The following MAP3K13 variants were observed in gnomAD, a reference collection of about 807,000 sequenced individuals.
MAP3K13 encodes the protein leucine zipper-bearing kinase.
MAP3K13 carries 52 observed loss-of-function variants against 104.0 expected under a neutral mutation model. The observed-to-expected ratio is 0.50, with a 90% CI of 0.40 to 0.63. The LOEUF is 0.63. Among genes scored for constraint, MAP3K13 ranks in the 20% least tolerant of loss-of-function variants. MAP3K13 has a pLI of 0.00. For missense variants in MAP3K13, 914 were observed against 1,218.5 expected, an observed-to-expected ratio of 0.75 and a Z score of 3.72; for synonymous variants, 394 against 442.2, an observed-to-expected ratio of 0.89 and a Z score of 1.37.
chr3:185,454,353 G>A (rs1167426003), intron 7 of MAP3K13, among the ~76,000 whole-genome samples: 2 of 46,276 alleles, frequency 4.3e-5, no homozygotes, highest in African/African-American at 1.1e-4. Context: ...TGAGATATAT[G>A]AGATATATAT....
rs1417963995 is a variant in MAP3K13 at position 185,315,057 on chromosome 3, C to G, written c.-86+29414C>G. ...CACGAAGTCAGGAGTTTGAGACCAG[C>G]CTGACCAACAAGGTGAAACCCAGTC... On this transcript the variant is annotated intron_variant, in intron 2 of 14. Coordinates refer to the MAP3K13 transcript ENST00000424227. This position sits in a 1 kb window ranked among gnomAD's most constrained non-coding sequence, Gnocchi z 4.3. 6.6e-6 allele frequency among the ~76,000 whole-genome samples: 1 copy of G among 152,096 alleles called. No homozygotes were observed. The highest frequency in any genetic ancestry group is 1.5e-5 in the Non-Finnish European group (1 of 68,016).
upstream of MAP3K13, among the ~76,000 whole-genome samples, chr3:185,362,630 CTT>C (rs940100135): frequency 4.3e-4 from 65 of 152,248 alleles, no homozygotes; most frequent in African/African-American, 1.4e-3. Flanking sequence ...CCCATGCGTT[CTT>C]CCCGACAATT....
intron 7 of MAP3K13, among the ~76,000 whole-genome samples, chr3:185,452,825 A>G (rs1715967878): frequency 6.6e-6 from 1 of 152,310 alleles, no homozygotes; most frequent in Admixed American, 6.5e-5. Flanking sequence ...TCAGGGTAAC[A>G]AATGTAGCGA....
At chr3:185,349,138 T>A (rs79899102) in intron 2 of MAP3K13, among the ~76,000 whole-genome samples, 3 of 151,894 alleles carry the variant, frequency 2.0e-5, no homozygotes, top group East Asian at 3.9e-4. Flanking sequence ...TTTTTTTTTT[T>A]AATTTTAGAT....
chr3:185,435,444 A>G (rs1453683912), intron 2 of MAP3K13, among the ~76,000 whole-genome samples: 2 of 152,200 alleles, frequency 1.3e-5, no homozygotes, highest in African/African-American at 4.8e-5. Flanking sequence ...GCCACTTATT[A>G]ATACTTGTCC....
At chr3:185,288,919 G>A (rs1720634739) in intron 2 of MAP3K13, among the ~76,000 whole-genome samples, 1 of 152,030 alleles carries the variant, frequency 6.6e-6, no homozygotes, top group Non-Finnish European at 1.5e-5. Context: ...TTATGATCAA[G>A]ATTAACCAAG....
Position 185,480,489 on chromosome 3 carries a change from T to C in MAP3K13, c.2759T>C (p.Met920Thr). The change falls in exon 13 of 14, where the codon ATG becomes ACG. Residue 920 changes from methionine (M) to threonine (T), a missense_variant. Met to Thr is a moderately conservative substitution (Grantham distance 81). This residue lies in a region of MAP3K13 where 583 missense variants were observed against 737.4 expected (regional missense o/e 0.79). Coordinates refer to ENST00000265026, the MANE Select transcript of MAP3K13 (RefSeq NM_004721.5). ...GCCGTGCGCCGTGTGAAGACTCAGATGTCTCTGGGCAAGCTGTGTGTGGAG... is the reference window on the plus strand; with the variant it reads ...GCCGTGCGCCGTGTGAAGACTCAGACGTCTCTGGGCAAGCTGTGTGTGGAG... The part of the protein sequence containing the change: ...ECAVRRVKTQ[M>T]SLGKLCVEER... 1 of 1,614,178 alleles carries C rather than the reference T, an allele frequency of 6.2e-7. No homozygotes were observed. Among genetic ancestry groups the C allele is most frequent in the Non-Finnish European group, 8.5e-7 (1 of 1,180,018 alleles).
chr3:185,477,413 C>T lies in MAP3K13; in HGVS notation c.2501+17C>T. ...AAGACAGAGGTAAAACCAACAAATGCACACGATTGCTTTTAGTGGAATGGG... is the reference window on the plus strand; with the variant it reads ...AAGACAGAGGTAAAACCAACAAATGTACACGATTGCTTTTAGTGGAATGGG... On this transcript the variant is annotated intron_variant, in intron 12 of 13. Coordinates refer to ENST00000265026, the MANE Select transcript of MAP3K13 (RefSeq NM_004721.5). 3 of 1,591,934 alleles carry T rather than the reference C, an allele frequency of 1.9e-6. No homozygotes were observed. Among genetic ancestry groups the T allele is most frequent in the South Asian group, 1.1e-5 (1 of 90,480 alleles).
chr3:185,299,553 C>CTT (rs1195743775), intron 2 of MAP3K13, among the ~76,000 whole-genome samples: 183 of 7,100 alleles, frequency 0.026, 1 homozygote, highest in Non-Finnish European at 0.054. Context: ...CTCTCTCTCT[C>CTT]TTTTTTTTTT....
chr3:185,426,080 C>CTTCTT (rs1560099857), intron 1 of MAP3K13, among the ~76,000 whole-genome samples: 13 of 151,024 alleles, frequency 8.6e-5, no homozygotes, highest in African/African-American at 3.2e-4. Flanking sequence ...TCCCTCTTCT[C>CTTCTT]CTTCTTCTTC....
intron 4 of MAP3K13, among the ~76,000 whole-genome samples, chr3:185,444,277 A>G (rs528588101): frequency 5.8e-4 from 88 of 152,286 alleles, no homozygotes; most frequent in Non-Finnish European, 9.8e-4. Context: ...AGGAGGTTGC[A>G]GTGAGCTGAA....
intron 1 of MAP3K13, among the ~76,000 whole-genome samples, chr3:185,377,080 G>C (rs954936393): frequency 6.6e-6 from 1 of 152,074 alleles, no homozygotes; most frequent in Non-Finnish European, 1.5e-5. Context: ...GGATAGGAGA[G>C]TATATGGCTT....
At chr3:185,411,274 A>T (rs1713427640) in intron 1 of MAP3K13, among the ~76,000 whole-genome samples, 1 of 152,222 alleles carries the variant, frequency 6.6e-6, no homozygotes, top group Admixed American at 6.5e-5. Context: ...GAAGGGAAAA[A>T]CATTTGCACA....
chr3:185,418,241 T>G lies in MAP3K13; in HGVS notation c.-85-10256T>G. ...CGCTGAGAGGCATAGACCTTTTCGATATCATTCCAGGCTTTAAGTTTCTTA... is the reference window on the plus strand; with the variant it reads ...CGCTGAGAGGCATAGACCTTTTCGAGATCATTCCAGGCTTTAAGTTTCTTA... On this transcript the variant is annotated intron_variant, in intron 1 of 13. Coordinates refer to ENST00000265026, the MANE Select transcript of MAP3K13 (RefSeq NM_004721.5). This position sits in a 1 kb window ranked among gnomAD's most constrained non-coding sequence, Gnocchi z 4.5. 1 of 1,606,866 alleles carries G rather than the reference T, an allele frequency of 6.2e-7. No homozygotes were observed. Among genetic ancestry groups the G allele is most frequent in the South Asian group, 1.1e-5 (1 of 90,886 alleles).
Position 185,427,816 on chromosome 3 carries a change from C to T in MAP3K13, c.-85-681C>T, listed in dbSNP as rs192021147. ...AAGATAGGCCGGGCACGGTGGCTCACGCCTGTAATCCCAACACTTTGGGAG... is the reference window on the plus strand; with the variant it reads ...AAGATAGGCCGGGCACGGTGGCTCATGCCTGTAATCCCAACACTTTGGGAG... On this transcript the variant is annotated intron_variant, in intron 1 of 13. Transcript: ENST00000265026. Among the ~76,000 whole-genome samples the T allele has an allele frequency of 2.8e-3, 425 of 152,204 alleles. 1 individual carries two copies. The highest frequency in any genetic ancestry group is 9.9e-3 in the African/African-American group (413 of 41,522).
chr3:185,345,901 T>C (rs1722904740), intron 2 of MAP3K13, among the ~76,000 whole-genome samples: 1 of 136,844 alleles, frequency 7.3e-6, no homozygotes, highest in Non-Finnish European at 1.5e-5. Flanking sequence ...GCCAAAAAGG[T>C]TGGGAACTGC....
chr3:185,452,511 A>G (rs776187828), intron 7 of MAP3K13, among the ~76,000 whole-genome samples: 13 of 152,160 alleles, frequency 8.5e-5, no homozygotes, highest in Non-Finnish European at 1.9e-4. Context: ...TGCTGGGATT[A>G]CAGGCATGAG....
At chr3:185,386,039 C>T (rs1560077925) in intron 1 of MAP3K13, among the ~76,000 whole-genome samples, 1 of 151,536 alleles carries the variant, frequency 6.6e-6, no homozygotes. Context: ...TACACATGAT[C>T]AAGTGGAACT....
chr3:185,402,951 C>T (rs185296297), intron 1 of MAP3K13, among the ~76,000 whole-genome samples: 6 of 152,228 alleles, frequency 3.9e-5, no homozygotes, highest in Admixed American at 1.3e-4. Context: ...GGAGACAAAA[C>T]GTCCTGAGGT....
Sources: allele counts gnomAD v4.1 joint callset (sites outside exome capture counted in the v4.1 genomes callset), GRCh38; gene constraint gnomAD v4.1.1; regional missense constraint gnomAD v4.1.1; non-coding constraint Gnocchi (gnomAD v3.1); transcripts MANE v1.5; gene names NCBI Gene and HGNC (gene_info 2026-07-23, HGNC 2026-07-21).